Variants in AHNAK observed in about 807,000 individuals in gnomAD.
AHNAK encodes AHNAK nucleoprotein.
Under a neutral mutation model 37.8 loss-of-function variants are expected in AHNAK, and 23 were observed. The ratio of observed to expected loss-of-function variants is 0.61; its 90% CI spans 0.44 to 0.86. AHNAK has a LOEUF of 0.86. Among genes scored for constraint, AHNAK ranks in the 40% least tolerant of loss-of-function variants. The pLI is 0.00. For synonymous variants in AHNAK, 2,481 were observed against 2,636.3 expected, an observed-to-expected ratio of 0.94 and a Z score of 1.80; for missense variants, 7,411 against 7,319.4, an observed-to-expected ratio of 1.01 and a Z score of -0.46.
chr11:62,520,208 C>T lies in AHNAK; in HGVS notation c.14209G>A (p.Gly4737Ser). 1 of 1,613,100 alleles carries T rather than the reference C, an allele frequency of 6.2e-7. No homozygotes were observed. Among genetic ancestry groups the T allele is most frequent in the Non-Finnish European group, 8.5e-7 (1 of 1,179,868 alleles). Residue 4737 changes from glycine (G) to serine (S), a missense_variant, in exon 5 of 5, where the codon GGC becomes AGC. By Grantham distance (56) the Gly-to-Ser change is moderately conservative. Coordinates refer to ENST00000378024, the MANE Select transcript of AHNAK (RefSeq NM_001620.3). ...DLNLKGPKVK[G>S]DVDVTLPKVE... ...TTAGGAAGGGTAACATCCACATCGCCCTTCACTTTGGGTCCTTTCAGGTTT... is the reference window on the plus strand; with the variant it reads ...TTAGGAAGGGTAACATCCACATCGCTCTTCACTTTGGGTCCTTTCAGGTTT...
intron 5 of AHNAK, among the ~76,000 whole-genome samples, chr11:62,476,998 C>T (rs893182212): frequency 7.2e-5 from 11 of 152,174 alleles, no homozygotes; most frequent in Admixed American, 3.9e-4. Flanking sequence ...ATGACAATGC[C>T]CGACCGCATG....
intron 5 of AHNAK, among the ~76,000 whole-genome samples, chr11:62,446,561 T>A (rs957965736): frequency 6.6e-6 from 1 of 152,096 alleles, no homozygotes; most frequent in Middle Eastern, 3.2e-3. Flanking sequence ...AAAACAAAGA[T>A]GCAGGAGAGG....
In AHNAK at chr11:62,530,009, C is replaced by A; in HGVS notation, c.4408G>T (p.Asp1470Tyr). Residue 1470 changes from aspartate (D) to tyrosine (Y), a missense_variant, in exon 5 of 5, where the codon GAT becomes TAT. Physicochemically the swap from Asp to Tyr is radical, Grantham distance 160. Transcript: ENST00000378024. ...LKGPKMKGDYDVTVPKVEGEI... is the reference protein window; with the variant it reads ...LKGPKMKGDYYVTVPKVEGEI... ...CCTTCTACTTTTGGAACTGTTACAT[C>A]ATAATCTCCTTTCATTTTAGGACCT... 6.2e-7 allele frequency: 1 copy of A among 1,614,042 alleles called. No homozygotes were observed. The highest frequency in any genetic ancestry group is 8.5e-7 in the Non-Finnish European group (1 of 1,180,010).
chr11:62,530,010 A>T lies in AHNAK; in HGVS notation c.4407T>A (p.Tyr1469Ter). The T allele has an allele frequency of 6.2e-7, 1 of 1,613,964 alleles. No homozygotes were observed. The highest frequency in any genetic ancestry group is 8.5e-7 in the Non-Finnish European group (1 of 1,179,996). Residue 1469 changes from tyrosine (Y) to a stop codon, truncating the protein, a stop_gained, in exon 5 of 5, where the codon TAT (tyrosine) becomes TAA (stop). Transcript: ENST00000378024. LOFTEE classifies it low-confidence loss of function (END_TRUNC). ...HLKGPKMKGDYDVTVPKVEGE... is the reference protein window; with the variant it reads ...HLKGPKMKGD ...CTTCTACTTTTGGAACTGTTACATC[A>T]TAATCTCCTTTCATTTTAGGACCTT...
chr11:62,513,143 G>T (rs1565219538), downstream of AHNAK, among the ~76,000 whole-genome samples: 1 of 152,186 alleles, frequency 6.6e-6, no homozygotes, highest in Non-Finnish European at 1.5e-5. Flanking sequence ...GAACATCACA[G>T]AGTCCAGCCC....
chr11:62,526,618 G>A lies in AHNAK; in HGVS notation c.7799C>T (p.Ser2600Phe). Residue 2600 changes from serine to phenylalanine, a missense_variant, in exon 5 of 5, where the codon TCT becomes TTT. Transcript: ENST00000378024. ...GPKVKGDVDV[S>F]LPKVEGDLKG... ...GAGGTCACCTTCCACTTTGGGCAGAGAAACATCCACATCGCCCTTCACCTT... is the reference window on the plus strand; with the variant it reads ...GAGGTCACCTTCCACTTTGGGCAGAAAAACATCCACATCGCCCTTCACCTT... 6.2e-7 allele frequency: 1 copy of A among 1,613,490 alleles called. No homozygotes were observed. The highest frequency in any genetic ancestry group is 8.5e-7 in the Non-Finnish European group (1 of 1,179,902).
At position 62,530,516 on chromosome 11, in the gene AHNAK, C is replaced by T; in HGVS notation, c.3901G>A (p.Gly1301Ser). The change falls in exon 5 of 5, where the codon GGC (glycine) becomes AGC (serine). Residue 1301 changes from glycine to serine, a missense_variant. Gly to Ser is a moderately conservative substitution (Grantham distance 56, BLOSUM62 0). Transcript: ENST00000378024. The stretch of plus-strand genomic sequence containing the variant: ...GGGCCCTTCAGCTTTCCTTCCGGGC[C>T]CTCAAGGCTCACATCTGGGACTTCA... ...DVEVPDVSLE[G>S]PEGKLKGPKF... The T allele has an allele frequency of 6.2e-7, 1 of 1,611,698 alleles. No individual in the cohort carries two copies. The highest frequency in any genetic ancestry group is 8.5e-7 in the Non-Finnish European group (1 of 1,179,488).
Position 62,527,649 on chromosome 11 carries a change from G to C in AHNAK, c.6768C>G (p.Phe2256Leu). The C allele has an allele frequency of 6.2e-7, 1 of 1,613,992 alleles. No individual in the cohort carries two copies. The highest frequency in any genetic ancestry group is 2.2e-5 in the East Asian group (1 of 44,856). Residue 2256 changes from phenylalanine (F) to leucine (L), a missense_variant, in exon 5 of 5, where the codon TTC (phenylalanine) becomes TTG (leucine). Coordinates refer to ENST00000378024, the MANE Select transcript of AHNAK (RefSeq NM_001620.3). ...CATCCACTTCTGGGCCCTCTCCTTT[G>C]AAGCCAGGCATGCTGAACTTGGGCA... ...MKMPKFSMPG[F>L]KGEGPEVDVN...
At chr11:62,543,561 G>A (rs1941201777) in intron 1 of AHNAK, among the ~76,000 whole-genome samples, 1 of 152,324 alleles carries the variant, frequency 6.6e-6, no homozygotes, top group Middle Eastern at 3.4e-3. Context: ...CAGCCCTGGT[G>A]GGAACTGAGG....
At position 62,519,614 on chromosome 11, in the gene AHNAK, G is replaced by A. The variant is rs907678698; in HGVS notation, c.14803C>T (p.Pro4935Ser). 2 of 1,613,478 alleles carry A rather than the reference G, an allele frequency of 1.2e-6. No homozygotes were observed. Among genetic ancestry groups the A allele is most frequent in the Admixed American group, 1.7e-5 (1 of 59,886 alleles). Residue 4935 changes from proline to serine, a missense_variant, in exon 5 of 5, where the codon CCG (proline) becomes TCG (serine). Coordinates refer to ENST00000378024, the MANE Select transcript of AHNAK (RefSeq NM_001620.3). ...TCCACTTCACCACCTTCTAACTTCGGACCTGAAAATCCAATTTTTGGTGCC... is the reference window on the plus strand; with the variant it reads ...TCCACTTCACCACCTTCTAACTTCGAACCTGAAAATCCAATTTTTGGTGCC... Reference protein sequence around the residue: ...LKAPKIGFSGPKLEGGEVDLK... With the variant: ...LKAPKIGFSGSKLEGGEVDLK...
chr11:62,450,102 T>TTTTAC (rs1244995440), intron 5 of AHNAK, among the ~76,000 whole-genome samples: 1 of 149,466 alleles, frequency 6.7e-6, no homozygotes, highest in Non-Finnish European at 1.5e-5. Flanking sequence ...TTTTCTTTTG[T>TTTTAC]TTTATTTTAT....
intron 5 of AHNAK, among the ~76,000 whole-genome samples, chr11:62,479,653 A>C (rs1286322070): frequency 6.6e-6 from 1 of 152,170 alleles, no homozygotes; most frequent in East Asian, 1.9e-4. Flanking sequence ...ACCTGTCACC[A>C]TGCAGAGGGG....
chr11:62,476,996 G>A (rs1312656374), intron 5 of AHNAK, among the ~76,000 whole-genome samples: 1 of 152,168 alleles, frequency 6.6e-6, no homozygotes, highest in Admixed American at 6.6e-5. Flanking sequence ...CCATGACAAT[G>A]CCCGACCGCA....
chr11:62,479,468 C>CT (rs10616715), intron 5 of AHNAK, among the ~76,000 whole-genome samples: 79 of 149,594 alleles, frequency 5.3e-4, no homozygotes, highest in African/African-American at 1.8e-3. Flanking sequence ...TGCCCAGCCC[C>CT]TTTTTTTTTT....
In AHNAK at chr11:62,528,936, G is replaced by A. The variant is rs369287557; in HGVS notation, c.5481C>T (p.Pro1827=). 49 of 1,613,754 alleles carry A rather than the reference G, an allele frequency of 3.0e-5. No individual in the cohort carries two copies. The highest frequency in any genetic ancestry group is 1.6e-4 in the Middle Eastern group (1 of 6,062). ...CATCAGGACACTCCAGATCAACATC[G>A]GGCACCTCCGCTTCCACAAAAGGAC... ...VKGPFVEAEV[P]DVDLECPDAK... The change falls in exon 5 of 5, where the codon CCC becomes CCT. Residue 1827 remains proline, a synonymous_variant. Transcript: ENST00000378024.
At chr11:62,453,189 G>A (rs1438670827) in intron 5 of AHNAK, among the ~76,000 whole-genome samples, 3 of 152,000 alleles carry the variant, frequency 2.0e-5, no homozygotes, top group South Asian at 2.1e-4. Flanking sequence ...TCCATGGCAC[G>A]TCGGAAGGAA....
Position 62,519,454 on chromosome 11 carries a change from T to G in AHNAK, c.14963A>C (p.Lys4988Thr). 6.2e-7 allele frequency: 1 copy of G among 1,612,300 alleles called. No individual in the cohort carries two copies. ...CAGTGAAGGTGACTTGATGTCAGCT[T>G]TGGGGCTTTTTGCCCCAAATCCAAA... ...PKFGFGAKSP[K>T]ADIKSPSLDV... is the part of the protein sequence containing the mutation. Residue 4988 changes from lysine (K) to threonine (T), a missense_variant, in exon 5 of 5, where the codon AAA becomes ACA. Transcript: ENST00000378024.
chr11:62,455,539 C>G (rs968831092), intron 5 of AHNAK, among the ~76,000 whole-genome samples: 1 of 152,010 alleles, frequency 6.6e-6, no homozygotes, highest in African/African-American at 2.4e-5. Flanking sequence ...AACCCTGTCT[C>G]TACTAAAAAT....
chr11:62,526,104 C>T lies in AHNAK; in HGVS notation c.8313G>A (p.Met2771Ile), dbSNP rs1940474354. 6.2e-7 allele frequency: 1 copy of T among 1,613,462 alleles called. No homozygotes were observed. Among genetic ancestry groups the T allele is most frequent in the East Asian group, 2.2e-5 (1 of 44,830 alleles). Residue 2771 changes from methionine to isoleucine, a missense_variant, in exon 5 of 5, where the codon ATG becomes ATA. By Grantham distance (10) the Met-to-Ile change is conservative (BLOSUM62 1). Transcript: ENST00000378024. ...TGAAGCCAGGCATGCTGATCTTGGG[C>T]ATTTTTATCTTGGGCATCTTTAGGT... Reference protein sequence around the residue: ...DWHLKMPKIKMPKISMPGFKG... With the variant: ...DWHLKMPKIKIPKISMPGFKG...
Sources: gnomAD v4.1 joint callset for allele counts (sites outside exome capture counted in the v4.1 genomes callset) on GRCh38, gnomAD v4.1.1 for gene constraint, MANE v1.5 for transcripts, NCBI Gene and HGNC (gene_info 2026-07-23, HGNC 2026-07-21) for gene names.